The following DLL3 variants were observed in gnomAD, a reference collection of about 807,000 sequenced individuals.
DLL3 encodes delta-like protein 3.
Under a neutral mutation model 55.0 loss-of-function variants are expected in DLL3, and 49 were observed. The observed-to-expected ratio is 0.89, with a 90% CI of 0.71 to 1.13. The LOEUF is 1.13. Among genes scored for constraint, DLL3 ranks in the 50% most tolerant of loss-of-function variants. The pLI is 0.00. For missense variants in DLL3, 962 were observed against 875.5 expected, an observed-to-expected ratio of 1.10 and a Z score of -1.25; for synonymous variants, 421 against 385.2, an observed-to-expected ratio of 1.09 and a Z score of -1.09.
At position 39,507,131 on chromosome 19, in the gene DLL3, G is replaced by A; in HGVS notation, c.1186G>A (p.Ala396Thr). The A allele has an allele frequency of 2.6e-6, 4 of 1,523,654 alleles. No homozygotes were observed. Among genetic ancestry groups the A allele is most frequent in the Non-Finnish European group, 3.5e-6 (4 of 1,143,086 alleles). The allele number at this position is 1,523,654 out of a possible 1,614,324, so 94.4% of individuals were successfully genotyped here. A position where few individuals can be genotyped will look rare whatever the true frequency, so the allele number is the denominator to read the frequency against. Residue 396 changes from alanine (A) to threonine (T), a missense_variant, in exon 7 of 9, where the codon GCG (alanine) becomes ACG (threonine). Transcript: ENST00000356433. ...PRCEHDLDDCAGRACANGGTC... is the reference protein window; with the variant it reads ...PRCEHDLDDCTGRACANGGTC... ...CTGCGAGCACGACCTGGACGACTGC[G>A]CGGGCCGCGCCTGCGCTAACGGCGG...
At chr19:39,507,948 G>A in intron 8 of DLL3, 34 bp downstream of exon 8, 1 of 1,613,996 alleles carries the variant, frequency 6.2e-7, no homozygotes, top group Non-Finnish European at 8.5e-7. Flanking sequence ...GCTACACACT[G>A]GGCGCGCTGG....
intron 5 of DLL3, 88 bp from the exon 6 acceptor site, chr19:39,505,141 G>A: frequency 7.2e-7 from 1 of 1,383,612 alleles, no homozygotes; most frequent in Non-Finnish European, 1.0e-6. Context: ...ACTGGACAAG[G>A]AGCAGCCCCC....
At chr19:39,506,935 G>C in intron 6 of DLL3, 104 bp from the exon 7 acceptor site, 2 of 1,257,842 alleles carry the variant, frequency 1.6e-6, no homozygotes, top group South Asian at 1.3e-5. Context: ...TTAAGTTAGA[G>C]AGAAAAAGGG....
chr19:39,499,545 C>T, intron 2 of DLL3, 72 bp downstream of exon 2: 1 of 1,530,280 alleles, frequency 6.5e-7, no homozygotes, highest in East Asian at 2.4e-5. Context: ...ACCTCCTCTC[C>T]CCTCCAGCTT....
At chr19:39,506,992 G>T in intron 6 of DLL3, 47 bp from the exon 7 acceptor site, 1 of 1,524,048 alleles carries the variant, frequency 6.6e-7, no homozygotes, top group Non-Finnish European at 8.8e-7. Flanking sequence ...CGGGCAGGTG[G>T]GTCCCCGGCT....
In DLL3 at chr19:39,499,346, C is replaced by T. The variant is rs1464900411; in HGVS notation, c.224C>T (p.Ser75Phe). The T allele has an allele frequency of 1.3e-6, 2 of 1,553,516 alleles. No homozygotes were observed. Among genetic ancestry groups the T allele is most frequent in the African/African-American group, 1.4e-5 (1 of 73,700 alleles). ...GGGCTCTCAGAGGAGGCCGCCGAGT[C>T]CCCGTGCGCCCTGGGCGCGGCGCTG... ...KPGLSEEAAE[S>F]PCALGAALSA... The change falls in exon 2 of 9, where the codon TCC (serine) becomes TTC (phenylalanine). Residue 75 changes from serine to phenylalanine, a missense_variant. Transcript: ENST00000356433.
intron 1 of DLL3, 39 bp from the exon 2 acceptor site, chr19:39,499,153 C>T (rs764254358): frequency 6.2e-7 from 1 of 1,600,964 alleles, no homozygotes; most frequent in Admixed American, 1.7e-5. Flanking sequence ...AAGCCTGGGT[C>T]CTCCCGGCCG....
In DLL3 at chr19:39,499,255, G is replaced by A. The variant is rs1405207584; in HGVS notation, c.133G>A (p.Ala45Thr). 1 of 1,544,218 alleles carries A rather than the reference G, an allele frequency of 6.5e-7. No individual in the cohort carries two copies. Among genetic ancestry groups the A allele is most frequent in the Non-Finnish European group, 8.7e-7 (1 of 1,149,564 alleles). Reference protein sequence around the residue: ...HSFGPGPGPGAPRSPCSARLP... With the variant: ...HSFGPGPGPGTPRSPCSARLP... ...TTTCGGGCCGGGTCCAGGCCCTGGG[G>A]CCCCGCGGTCCCCCTGCAGCGCCCG... The change falls in exon 2 of 9, where the codon GCC becomes ACC. Residue 45 changes from alanine to threonine, a missense_variant. Coordinates refer to ENST00000356433, the MANE Select transcript of DLL3 (RefSeq NM_203486.3).
Position 39,503,338 on chromosome 19 carries a change from C to A in DLL3, c.652+281C>A, listed in dbSNP as rs187998603. Among the ~76,000 whole-genome samples, 23 of 152,310 alleles carry A rather than the reference C, an allele frequency of 1.5e-4. No homozygotes were observed. In the East Asian group the frequency reaches 3.3e-3, roughly 22 times the overall value. ...CCTGCCTTGCTACTCGAGCCCCCTT[C>A]CCTCTCCCAGCCCTCTTGTTGCCCC... On this transcript the variant is annotated intron_variant, in intron 4 of 8. Coordinates refer to ENST00000356433, the MANE Select transcript of DLL3 (RefSeq NM_203486.3).
At chr19:39,507,953 C>T (rs1420288818) in intron 8 of DLL3, 39 bp downstream of exon 8, 1 of 1,614,106 alleles carries the variant, frequency 6.2e-7, no homozygotes, top group Non-Finnish European at 8.5e-7. Flanking sequence ...ACACTGGGCG[C>T]GCTGGGCAGA....
intron 7 of DLL3, 70 bp downstream of exon 7, chr19:39,507,688 G>A (rs1484125278): frequency 1.3e-6 from 2 of 1,587,892 alleles, no homozygotes; most frequent in East Asian, 2.3e-5. Context: ...TGGTGCAGTT[G>A]GCCCGATTCC....
intron 8 of DLL3, 113 bp from the exon 9 acceptor site, chr19:39,508,139 A>T (rs1224918504): frequency 1.2e-6 from 2 of 1,613,738 alleles, no homozygotes; most frequent in African/African-American, 2.7e-5. Flanking sequence ...TATGGGCTTG[A>T]GGAGGTCACG....
rs374327609 is a variant in DLL3 at position 39,499,274 on chromosome 19, G to A, written c.152G>A (p.Ser51Asn). 9.1e-6 allele frequency: 14 copies of A among 1,541,730 alleles called. No homozygotes were observed. In the South Asian group the frequency reaches 1.5e-4, roughly 17 times the overall value. Residue 51 changes from serine (S) to asparagine (N), a missense_variant, in exon 2 of 9, where the codon AGC becomes AAC. Coordinates refer to ENST00000356433, the MANE Select transcript of DLL3 (RefSeq NM_203486.3). The stretch of plus-strand genomic sequence containing the variant: ...CCTGGGGCCCCGCGGTCCCCCTGCA[G>A]CGCCCGGCTCCCCTGCCGCCTCTTC... Reference protein sequence around the residue: ...PGPGAPRSPCSARLPCRLFFR... With the variant: ...PGPGAPRSPCNARLPCRLFFR...
chr19:39,507,645 C>T, intron 7 of DLL3, 27 bp downstream of exon 7: 1 of 1,595,768 alleles, frequency 6.3e-7, no homozygotes, highest in Non-Finnish European at 8.5e-7. Context: ...CAGACGAACG[C>T]CTTGCGCTGC....
At chr19:39,501,145 A>G (rs1239760784) in intron 3 of DLL3, among the ~76,000 whole-genome samples, 1 of 151,976 alleles carries the variant, frequency 6.6e-6, no homozygotes, top group Non-Finnish European at 1.5e-5. Flanking sequence ...GATTACAGGC[A>G]CCCACCACCA....
rs113780398 is a variant in DLL3 at position 39,500,653 on chromosome 19, G to A, written c.390G>A (p.Glu130=). 3,731 of 1,613,680 alleles carry A rather than the reference G, an allele frequency of 2.3e-3. 8 individuals carry two copies. Among genetic ancestry groups the A allele is most frequent in the Middle Eastern group, 5.6e-3 (34 of 6,060 alleles). ...TCATCATCGAAACCTGGAGAGAGGA[G>A]TTAGGAGACCAGATTGGAGGTGAGT... ...FSFIIETWRE[E]LGDQIGGPAW... is the part of the protein sequence containing the mutation. Residue 130 remains glutamate, a synonymous_variant, in exon 3 of 9, where the codon GAG becomes GAA. Transcript: ENST00000356433.
intron 6 of DLL3, 62 bp downstream of exon 6, chr19:39,505,513 C>A: frequency 3.8e-6 from 6 of 1,583,042 alleles, no homozygotes; most frequent in South Asian, 1.1e-5. Flanking sequence ...CTCAGACAGT[C>A]CAGGGTTGGA....
At chr19:39,504,392 G>C in intron 5 of DLL3, 104 bp downstream of exon 5, 2 of 1,300,326 alleles carry the variant, frequency 1.5e-6, no homozygotes, top group South Asian at 2.5e-5. Flanking sequence ...AGGAGATCTG[G>C]GAATAACTAT....
intron 3 of DLL3, among the ~76,000 whole-genome samples, chr19:39,501,871 A>G (rs1204646406): frequency 2.0e-5 from 3 of 152,090 alleles, no homozygotes; most frequent in Non-Finnish European, 4.4e-5. Flanking sequence ...TAGAGGTCTC[A>G]TCATTACTTC....
Sources: gnomAD v4.1 joint callset for allele counts (sites outside exome capture counted in the v4.1 genomes callset) on GRCh38, gnomAD v4.1.1 for gene constraint, MANE v1.5 for transcripts, NCBI Gene and HGNC (gene_info 2026-07-23, HGNC 2026-07-21) for gene names.